Variants in ACYP2 observed in about 807,000 individuals in gnomAD.
ACYP2 encodes acylphosphatase 2.
In ACYP2, 12 loss-of-function variants were observed where a neutral mutation model predicts 11.2. The observed-to-expected ratio is 1.08, with a 90% CI of 0.69 to 1.74. The LOEUF is 1.74. Ranked by LOEUF, ACYP2 falls within the 40% of genes most tolerant of loss-of-function variation. ACYP2 has a pLI of 0.00. For missense variants in ACYP2, 134 were observed against 101.9 expected, an observed-to-expected ratio of 1.31 and a Z score of -1.35; for synonymous variants, 43 against 32.2, an observed-to-expected ratio of 1.33 and a Z score of -1.13.
intron 6 of ACYP2, among the ~76,000 whole-genome samples, chr2:54,181,639 CTG>C (rs1683733382): frequency 6.6e-6 from 1 of 152,100 alleles, no homozygotes; most frequent in African/African-American, 2.4e-5. Context: ...TTTTAAGAAA[CTG>C]TTCTATACAT....
chr2:54,018,639 C>A (rs879528612), intron 2 of ACYP2, among the ~76,000 whole-genome samples: 2 of 152,160 alleles, frequency 1.3e-5, no homozygotes, highest in East Asian at 3.9e-4. Flanking sequence ...ATAGCGGGAC[C>A]CCTTCTTTAC....
intron 2 of ACYP2, among the ~76,000 whole-genome samples, chr2:53,996,596 G>C (rs1469522591): frequency 6.6e-6 from 1 of 152,208 alleles, no homozygotes; most frequent in African/African-American, 2.4e-5. Context: ...GGTATGGGCT[G>C]CCTGGGAAGA....
intron 2 of ACYP2, among the ~76,000 whole-genome samples, chr2:54,036,188 G>A (rs963102275): frequency 3.9e-5 from 6 of 152,240 alleles, no homozygotes; most frequent in Admixed American, 2.0e-4. Flanking sequence ...TCTGCCTGCC[G>A]GGTTCAAGCG....
intron 6 of ACYP2, among the ~76,000 whole-genome samples, chr2:54,173,598 T>G (rs1172718006): frequency 6.6e-6 from 1 of 152,200 alleles, no homozygotes. Flanking sequence ...GGTGTTTTAG[T>G]CATGAAGTCC....
intron 4 of ACYP2, among the ~76,000 whole-genome samples, chr2:54,090,196 T>G (rs1161240307): frequency 6.6e-6 from 1 of 152,024 alleles, no homozygotes; most frequent in Non-Finnish European, 1.5e-5. Flanking sequence ...ATAACTTTGA[T>G]GATGAGAAAA....
intron 6 of ACYP2, among the ~76,000 whole-genome samples, chr2:54,153,869 G>C (rs1430301979): frequency 6.6e-6 from 1 of 151,964 alleles, no homozygotes; most frequent in Non-Finnish European, 1.5e-5. Flanking sequence ...CAAAGTGCTG[G>C]GATTATAGGC....
chr2:54,270,820 T>C (rs1368141511), intron 6 of ACYP2, among the ~76,000 whole-genome samples: 1 of 152,220 alleles, frequency 6.6e-6, no homozygotes, highest in African/African-American at 2.4e-5. Context: ...AGTCACACTT[T>C]CTTTGTTAGT....
At chr2:54,051,288 A>C (rs776103831) in intron 3 of ACYP2, 1 of 778,818 alleles carries the variant, frequency 1.3e-6, no homozygotes, top group Non-Finnish European at 2.3e-6. Context: ...CAGGAAGAGC[A>C]TAAGAAGCAG....
chr2:54,252,261 T>C (rs1379225617), intron 6 of ACYP2, among the ~76,000 whole-genome samples: 1 of 152,222 alleles, frequency 6.6e-6, no homozygotes, highest in Non-Finnish European at 1.5e-5. Flanking sequence ...TTCTTAATAG[T>C]ATACCATTGT....
intron 6 of ACYP2, chr2:54,255,599 T>C (rs766079490): frequency 1.4e-5 from 22 of 1,613,244 alleles, no homozygotes; most frequent in Non-Finnish European, 1.9e-5. Flanking sequence ...CCTGCCTCCC[T>C]GTTTACCTCA....
intron 6 of ACYP2, chr2:54,256,273 G>A (rs578010953): frequency 6.4e-6 from 7 of 1,093,132 alleles, no homozygotes; most frequent in Admixed American, 5.1e-5. Context: ...CTTCAGTCTC[G>A]CGACACCCAC....
chr2:54,303,869 C>A (rs1689818603), intron 6 of ACYP2, among the ~76,000 whole-genome samples: 1 of 152,132 alleles, frequency 6.6e-6, no homozygotes, highest in African/African-American at 2.4e-5. Flanking sequence ...AACCTAAAGT[C>A]CCAGCTAATT....
At chr2:54,207,173 A>ATGTGTGTGTGTGTGTGTGTGTGTGTG (rs58920943) in intron 6 of ACYP2, among the ~76,000 whole-genome samples, 26 of 138,720 alleles carry the variant, frequency 1.9e-4, no homozygotes, top group East Asian at 6.5e-4. Flanking sequence ...CAACATGTAT[A>ATGTGTGTGTGTGTGTGTGTGTGTGTG]TGTGTGTGTG....
chr2:54,174,828 T>C (rs569827626), intron 6 of ACYP2, among the ~76,000 whole-genome samples: 1 of 152,348 alleles, frequency 6.6e-6, no homozygotes, highest in East Asian at 1.9e-4. Flanking sequence ...GGATTACATT[T>C]ATTGATTTGT....
At chr2:54,219,881 G>GTGTGTGTATATATA (rs1222539416) in intron 6 of ACYP2, among the ~76,000 whole-genome samples, 3 of 99,472 alleles carry the variant, frequency 3.0e-5, no homozygotes, top group African/African-American at 3.9e-5. Context: ...GTGTGTGTGT[G>GTGTGTGTATATATA]TATATATATA....
intron 4 of ACYP2, among the ~76,000 whole-genome samples, chr2:54,112,390 T>C (rs1339781002): frequency 2.0e-5 from 3 of 152,190 alleles, no homozygotes; most frequent in African/African-American, 4.8e-5. Flanking sequence ...CAAATAATCA[T>C]ATACAGTCTT....
chr2:54,200,043 A>C (rs1372191944), intron 6 of ACYP2, among the ~76,000 whole-genome samples: 1 of 152,186 alleles, frequency 6.6e-6, no homozygotes, highest in Non-Finnish European at 1.5e-5. Context: ...TTGCATCTCA[A>C]TTATATTTGT....
intron 4 of ACYP2, among the ~76,000 whole-genome samples, chr2:54,086,848 C>G (rs1051442244): frequency 1.3e-5 from 2 of 152,228 alleles, no homozygotes; most frequent in Non-Finnish European, 2.9e-5. Context: ...TTATCTTCTT[C>G]AGATTCAAAG....
chr2:54,140,287 A>G (rs918072563), intron 6 of ACYP2, among the ~76,000 whole-genome samples: 2 of 152,206 alleles, frequency 1.3e-5, no homozygotes, highest in Non-Finnish European at 2.9e-5. Context: ...AGAAAAAAAT[A>G]ATAATATAGT....
Sources: gnomAD v4.1 joint callset for allele counts (sites outside exome capture counted in the v4.1 genomes callset) on GRCh38, gnomAD v4.1.1 for gene constraint, MANE v1.5 for transcripts, NCBI Gene and HGNC (gene_info 2026-07-23, HGNC 2026-07-21) for gene names.